The following EDARADD variants were observed in gnomAD, a reference collection of about 807,000 sequenced individuals.
The protein encoded by EDARADD is ectodysplasin-A receptor-associated adapter protein.
EDARADD carries 20 observed loss-of-function variants against 25.6 expected under a neutral mutation model. The ratio of observed to expected loss-of-function variants is 0.78; its 90% CI spans 0.55 to 1.14. The LOEUF (loss-of-function observed/expected upper bound fraction) is 1.14, where lower values mean the gene tolerates loss of function less well. Ranked by LOEUF, EDARADD falls within the 50% of genes most tolerant of loss-of-function variation. EDARADD has a pLI of 0.00. For missense variants in EDARADD, 225 were observed against 270.1 expected (o/e 0.83, Z 1.17); for synonymous variants, 86 against 94.4 (o/e 0.91, Z 0.52).
intron 1 of EDARADD, among the ~76,000 whole-genome samples, chr1:236,396,083 C>T (rs1045497054): frequency 6.6e-6 from 1 of 152,188 alleles, no homozygotes; most frequent in African/African-American, 2.4e-5. Flanking sequence ...TACTCCTCTT[C>T]CTCTCTCCCA....
intron 1 of EDARADD, among the ~76,000 whole-genome samples, chr1:236,401,931 A>G (rs1667619006): frequency 6.6e-6 from 1 of 152,168 alleles, no homozygotes; most frequent in Non-Finnish European, 1.5e-5. Flanking sequence ...CACCTTCTCA[A>G]GAGAGTCTGT....
chr1:236,353,677 C>A (rs61835533), intron 3 of EDARADD, among the ~76,000 whole-genome samples: 1 of 75,518 alleles, frequency 1.3e-5, no homozygotes, highest in African/African-American at 7.9e-5. Context: ...GACTCCAACT[C>A]CAAAAAAAAA....
intron 5 of EDARADD, 62 bp downstream of exon 5, chr1:236,468,338 T>G: frequency 1.3e-6 from 2 of 1,570,340 alleles, no homozygotes; most frequent in Non-Finnish European, 1.8e-6. Flanking sequence ...AAAAGATAAT[T>G]TGAGGCCAGG....
intron 3 of EDARADD, among the ~76,000 whole-genome samples, chr1:236,414,916 C>A (rs1312488820): frequency 6.6e-6 from 1 of 152,138 alleles, no homozygotes; most frequent in Admixed American, 6.5e-5. Flanking sequence ...GGTCTTTGGG[C>A]CCTGCTGCAT....
chr1:236,357,181 G>GA (rs1666989215), intron 3 of EDARADD, among the ~76,000 whole-genome samples: 2 of 151,788 alleles, frequency 1.3e-5, no homozygotes, highest in Non-Finnish European at 2.9e-5. Flanking sequence ...CTAATATTCT[G>GA]TGTGACAAAA....
Position 236,398,917 on chromosome 1 carries a change from C to A in EDARADD, c.61+4412C>A, listed in dbSNP as rs993911919. Reference sequence around the variant, plus strand: ...CTGTGTGGTAGCTCTCCCTAACACTCAGCATAGTACTCCGCACATAGTAAG... The same window carrying A: ...CTGTGTGGTAGCTCTCCCTAACACTAAGCATAGTACTCCGCACATAGTAAG... On this transcript the variant is annotated intron_variant, in intron 1 of 5. Coordinates refer to ENST00000334232, the MANE Select transcript of EDARADD (RefSeq NM_145861.4). This position sits in a 1 kb window ranked among gnomAD's most constrained non-coding sequence, Gnocchi z 4.1. 3.3e-5 allele frequency among the ~76,000 whole-genome samples: 5 copies of A among 152,168 alleles called. No homozygotes were observed. Among genetic ancestry groups the A allele is most frequent in the Non-Finnish European group, 7.3e-5 (5 of 68,038 alleles).
chr1:236,362,998 A>ATATATATAT (rs1667068565), intron 3 of EDARADD, among the ~76,000 whole-genome samples: 1 of 58,132 alleles, frequency 1.7e-5, no homozygotes, highest in East Asian at 1.5e-3. Context: ...AAAAAAAAAA[A>ATATATATAT]AAAAAAAAAT....
At chr1:236,348,446 C>T (rs762330130) in intron 1 of EDARADD, among the ~76,000 whole-genome samples, 16 of 152,250 alleles carry the variant, frequency 1.1e-4, no homozygotes, top group Non-Finnish European at 2.1e-4. Context: ...CTGCTGGGCG[C>T]GCTCTTCTTG....
At chr1:236,408,412 C>G (rs1667775185) in intron 1 of EDARADD, among the ~76,000 whole-genome samples, 1 of 152,014 alleles carries the variant, frequency 6.6e-6, no homozygotes, top group Non-Finnish European at 1.5e-5. Context: ...TATGTTGGAC[C>G]AGGCTGATCT....
At chr1:236,369,826 A>G (rs1667155340) in intron 3 of EDARADD, among the ~76,000 whole-genome samples, 1 of 151,406 alleles carries the variant, frequency 6.6e-6, no homozygotes, top group East Asian at 1.9e-4. Flanking sequence ...AACAAGAGCG[A>G]AACTCTGTCT....
In EDARADD at chr1:236,360,547, T is replaced by TG. The variant is rs1553261962; in HGVS notation, c.-6+9708_-6+9709insG. ...GGATTTTAATTCACGGTTTTTTTTT[T>TG]TTTTTTTTTTTTTTTTGAGACAGAG... On this transcript the variant is annotated intron_variant, in intron 3 of 7. Coordinates refer to the EDARADD transcript ENST00000439430. Among the ~76,000 whole-genome samples the TG allele has an allele frequency of 2.4e-3, 343 of 140,816 alleles. 6 individuals carry two copies. The highest frequency in any genetic ancestry group is 3.6e-3 in the Middle Eastern group (1 of 280). The allele number at this position is 140,816 out of a possible 152,430, so 92.4% of individuals were successfully genotyped here. A position where few individuals can be genotyped will look rare whatever the true frequency, so the allele number is the denominator to read the frequency against.
intron 3 of EDARADD, among the ~76,000 whole-genome samples, chr1:236,380,722 G>T (rs1667287224): frequency 6.6e-6 from 1 of 152,088 alleles, no homozygotes; most frequent in Non-Finnish European, 1.5e-5. Flanking sequence ...GTATCTGTTT[G>T]TTTGTTGTAG....
rs1271531317 is a variant in EDARADD, at chr1:236,484,431, T to C, written c.*1782T>C. The C allele has an allele frequency of 5.0e-6, 8 of 1,610,382 alleles. No individual in the cohort carries two copies. Among genetic ancestry groups the C allele is most frequent in the Non-Finnish European group, 4.2e-6 (5 of 1,178,086 alleles). On this transcript the variant is annotated 3_prime_UTR_variant, in exon 6 of 6. Transcript: ENST00000334232. This position sits in a 1 kb window ranked among gnomAD's most constrained non-coding sequence, Gnocchi z 4.1. ...AGAGGAGCTGGGCAGCAAGGCTAAG[T>C]TTGCCGGCAGGAACTTCAGAAACCC...
chr1:236,471,005 A>T (rs1558136174), intron 5 of EDARADD, among the ~76,000 whole-genome samples: 1 of 152,192 alleles, frequency 6.6e-6, no homozygotes, highest in East Asian at 1.9e-4. Flanking sequence ...GGCCTCCCAA[A>T]GTGCTGGCAT....
At chr1:236,362,810 C>T (rs935335555) in intron 3 of EDARADD, among the ~76,000 whole-genome samples, 66 of 150,926 alleles carry the variant, frequency 4.4e-4, no homozygotes, top group African/African-American at 1.6e-3. Flanking sequence ...CTTATCTCTG[C>T]TGCCTTGCCT....
rs1667566687 is a variant in EDARADD at position 236,398,901 on chromosome 1, A to G, written c.61+4396A>G. ...TGGACAGAGGTCATGTCTGTGTGGT[A>G]GCTCTCCCTAACACTCAGCATAGTA... On this transcript the variant is annotated intron_variant, in intron 1 of 5. Coordinates refer to ENST00000334232, the MANE Select transcript of EDARADD (RefSeq NM_145861.4). The surrounding 1 kb of genome is among the most constrained non-coding windows in gnomAD (Gnocchi z 4.1). Among the ~76,000 whole-genome samples, 1 of 152,218 alleles carries G rather than the reference A, an allele frequency of 6.6e-6. No individual in the cohort carries two copies. The highest frequency in any genetic ancestry group is 1.5e-5 in the Non-Finnish European group (1 of 68,048).
At chr1:236,433,246 G>GTATGCA (rs140641229) in intron 4 of EDARADD, among the ~76,000 whole-genome samples, 6,202 of 151,626 alleles carry the variant, frequency 0.041, 452 homozygotes, top group African/African-American at 0.14. Flanking sequence ...GTACATTTTT[G>GTATGCA]TATGCATAAT....
At chr1:236,366,741 C>CTCTTTTTTTTTTTTTTTTTTTTTT (rs146073425) in intron 3 of EDARADD, among the ~76,000 whole-genome samples, 5 of 144,198 alleles carry the variant, frequency 3.5e-5, no homozygotes, top group Non-Finnish European at 4.6e-5. Context: ...TCATCTCTCT[C>CTCTTTTTTTTTTTTTTTTTTTTTT]TTTTTTTTGT....
Position 236,428,700 on chromosome 1 carries a change from C to T in EDARADD, c.219+1250C>T, listed in dbSNP as rs1349157452. On this transcript the variant is annotated intron_variant, in intron 4 of 5. Transcript: ENST00000334232. ...CTCCTCACTTCCCAGACTGGGCTGC[C>T]GGGCAGAGACGCTCCTCACTTCCCA... is the stretch of plus-strand genomic sequence containing the variant. Among the ~76,000 whole-genome samples, 12 of 128,888 alleles carry T rather than the reference C, an allele frequency of 9.3e-5. No homozygotes were observed. In the South Asian group the frequency reaches 1.3e-3, roughly 14 times the overall value. The allele number at this position is 128,888 out of a possible 152,430, so 84.6% of individuals were successfully genotyped here.
Sources: allele counts gnomAD v4.1 joint callset (sites outside exome capture counted in the v4.1 genomes callset), GRCh38; gene constraint gnomAD v4.1.1; non-coding constraint Gnocchi (gnomAD v3.1); transcripts MANE v1.5; gene names NCBI Gene and HGNC (gene_info 2026-07-23, HGNC 2026-07-21).